The following COPG2 variants were observed in gnomAD, a reference collection of about 807,000 sequenced individuals.
COPG2 encodes the protein coat protein complex I subunit gamma 2.
COPG2 carries 37 observed loss-of-function variants against 46.3 expected under a neutral mutation model. That is an observed-to-expected ratio of 0.80 (90% CI 0.61 to 1.05). The LOEUF is 1.05. Ranked by LOEUF, COPG2 falls within the 50% of genes least tolerant of loss-of-function variation. The pLI is 0.00. For synonymous variants in COPG2, 159 were observed against 129.7 expected (o/e 1.23, Z -1.53); for missense variants, 427 against 387.8 (o/e 1.10, Z -0.85).
At chr7:130,588,940 C>A (rs561537757) in intron 9 of COPG2, among the ~76,000 whole-genome samples, 1 of 152,220 alleles carries the variant, frequency 6.6e-6, no homozygotes, top group South Asian at 2.1e-4. Context: ...TATTTACCCC[C>A]CGCCACACAC....
intron 9 of COPG2, among the ~76,000 whole-genome samples, chr7:130,589,464 A>T (rs922426122): frequency 5.3e-5 from 8 of 151,954 alleles, no homozygotes; most frequent in African/African-American, 1.9e-4. Flanking sequence ...AAAAAAAAAA[A>T]TTTAGAGACA....
At chr7:130,579,928 C>A (rs1794099376) in intron 9 of COPG2, among the ~76,000 whole-genome samples, 1 of 151,572 alleles carries the variant, frequency 6.6e-6, no homozygotes, top group Non-Finnish European at 1.5e-5. Context: ...CAACATTAGA[C>A]AGATCAACGA....
intron 20 of COPG2, among the ~76,000 whole-genome samples, chr7:130,541,147 G>T (rs1156417449): frequency 6.6e-6 from 1 of 152,144 alleles, no homozygotes; most frequent in Non-Finnish European, 1.5e-5. Flanking sequence ...GTTCCCGACA[G>T]ATCAGGACAA....
At chr7:130,556,008 A>G (rs1793617440) in intron 12 of COPG2, among the ~76,000 whole-genome samples, 1 of 152,154 alleles carries the variant, frequency 6.6e-6, no homozygotes, top group South Asian at 2.1e-4. Flanking sequence ...TCACAGCAGT[A>G]GCAGTAGCCA....
At chr7:130,663,528 C>A (rs1335950297) in intron 3 of COPG2, among the ~76,000 whole-genome samples, 5 of 151,950 alleles carry the variant, frequency 3.3e-5, no homozygotes, top group African/African-American at 1.2e-4. Flanking sequence ...ACCAAAAGGG[C>A]AGGAACCAGA....
At chr7:130,516,860 T>TG (rs1430260153) in intron 20 of COPG2, among the ~76,000 whole-genome samples, 3 of 152,078 alleles carry the variant, frequency 2.0e-5, no homozygotes, top group Non-Finnish European at 4.4e-5. Flanking sequence ...CTAAATGGGA[T>TG]GGGCATAAAG....
At chr7:130,653,472 C>T (rs1265086037) in intron 4 of COPG2, among the ~76,000 whole-genome samples, 1 of 152,156 alleles carries the variant, frequency 6.6e-6, no homozygotes, top group Non-Finnish European at 1.5e-5. Flanking sequence ...AGGCTCATTC[C>T]TGGAAAATGT....
chr7:130,513,474 G>A (rs1333261573), intron 20 of COPG2, among the ~76,000 whole-genome samples: 9 of 149,592 alleles, frequency 6.0e-5, no homozygotes, highest in African/African-American at 2.2e-4. Flanking sequence ...ACCAGAAGAT[G>A]GCAGAGCTGC....
rs1793744772 is a variant in COPG2, at chr7:130,563,234, T to C, written c.939+35A>G. 7.5e-6 allele frequency: 3 copies of C among 397,836 alleles called. 1 individual carries two copies. 24.6% of individuals were successfully genotyped at this position (397,836 alleles called of 1,614,324 possible). A position where few individuals can be genotyped will look rare whatever the true frequency, so the allele number is the denominator to read the frequency against. Reference sequence around the variant, plus strand: ...CATTTAATGTTTCTCAATTAAATACTGATATAAGTCAATAATTAGCAAAGA... The same window carrying C: ...CATTTAATGTTTCTCAATTAAATACCGATATAAGTCAATAATTAGCAAAGA... On this transcript the variant is annotated intron_variant, in intron 11 of 23. Transcript: ENST00000425248.
intron 20 of COPG2, among the ~76,000 whole-genome samples, chr7:130,518,027 AG>A (rs1305112069): frequency 1.3e-5 from 2 of 152,238 alleles, no homozygotes; most frequent in African/African-American, 2.4e-5. Flanking sequence ...CTTGATGGGA[AG>A]TTTTTTCTAT....
At chr7:130,558,157 T>C (rs1051474366) in intron 12 of COPG2, among the ~76,000 whole-genome samples, 2,384 of 152,194 alleles carry the variant, frequency 0.016, 38 homozygotes, top group Admixed American at 0.032. Flanking sequence ...GATAAGGTAA[T>C]GTGGTTTGGA....
intron 20 of COPG2, among the ~76,000 whole-genome samples, chr7:130,539,123 G>A (rs986981622): frequency 7.6e-4 from 116 of 152,230 alleles, no homozygotes; most frequent in African/African-American, 2.6e-3. Flanking sequence ...CTAAACAAGG[G>A]TATAGTAAAG....
intron 20 of COPG2, among the ~76,000 whole-genome samples, chr7:130,546,490 T>C (rs2116379143): frequency 6.6e-6 from 1 of 152,110 alleles, no homozygotes; most frequent in East Asian, 1.9e-4. Flanking sequence ...GGAGAAATAT[T>C]GGAGGCCAGA....
At chr7:130,637,758 G>C (rs374689717) in intron 5 of COPG2, among the ~76,000 whole-genome samples, 1 of 152,088 alleles carries the variant, frequency 6.6e-6, no homozygotes, top group Admixed American at 6.6e-5. Context: ...GTCCAGTTTT[G>C]TTCCCTTGTT....
intron 23 of COPG2, 151 bp downstream of exon 23, chr7:130,507,123 A>G (rs977249017): frequency 2.7e-5 from 18 of 657,244 alleles, no homozygotes; most frequent in Non-Finnish European, 3.8e-5. Flanking sequence ...CAAGAATAGC[A>G]TGCAAAACAA....
chr7:130,592,502 A>T (rs1794451624), intron 9 of COPG2, among the ~76,000 whole-genome samples: 1 of 152,182 alleles, frequency 6.6e-6, no homozygotes, highest in Non-Finnish European at 1.5e-5. Context: ...AAGAAAAATC[A>T]AATGATTCTT....
chr7:130,604,077 T>G (rs1473119459), intron 9 of COPG2, among the ~76,000 whole-genome samples: 4 of 152,184 alleles, frequency 2.6e-5, no homozygotes, highest in African/African-American at 7.2e-5. Flanking sequence ...CCTCATCATC[T>G]TACATTGAGT....
chr7:130,517,109 G>C (rs1799685208), intron 20 of COPG2, among the ~76,000 whole-genome samples: 1 of 152,102 alleles, frequency 6.6e-6, no homozygotes, highest in East Asian at 1.9e-4. Flanking sequence ...GAGGAAGAAA[G>C]GAATGGAAGA....
chr7:130,540,874 G>T (rs902213566), intron 20 of COPG2, among the ~76,000 whole-genome samples: 7 of 152,132 alleles, frequency 4.6e-5, no homozygotes, highest in Non-Finnish European at 8.8e-5. Context: ...ATCATCTGAG[G>T]GGTGAGCAGT....
Sources: gnomAD v4.1 joint callset for allele counts (sites outside exome capture counted in the v4.1 genomes callset) on GRCh38, gnomAD v4.1.1 for gene constraint, MANE v1.5 for transcripts, NCBI Gene and HGNC (gene_info 2026-07-23, HGNC 2026-07-21) for gene names.